Variants in NELL2 observed in about 807,000 individuals in gnomAD.
NELL2 encodes the protein neural EGFL like 2, also known as protein kinase C-binding protein NELL2.
In NELL2, 41 loss-of-function variants were observed where a neutral mutation model predicts 109.6. The ratio of observed to expected loss-of-function variants is 0.37; its 90% CI spans 0.29 to 0.49. The LOEUF is 0.49. Among genes scored for constraint, NELL2 ranks in the 20% least tolerant of loss-of-function variants. NELL2 has a pLI of 0.98. For synonymous variants in NELL2, 355 were observed against 344.7 expected (o/e 1.03, Z -0.33); for missense variants, 900 against 1,008.3 (o/e 0.89, Z 1.45).
At chr12:44,867,454 A>G (rs1204697626) in intron 2 of NELL2, among the ~76,000 whole-genome samples, 2 of 152,226 alleles carry the variant, frequency 1.3e-5, no homozygotes, top group Non-Finnish European at 2.9e-5. Context: ...AACTCTCAAT[A>G]AATGTATAGA....
chr12:44,789,339 C>G (rs1220483841), intron 3 of NELL2, among the ~76,000 whole-genome samples: 1 of 152,176 alleles, frequency 6.6e-6, no homozygotes, highest in Non-Finnish European at 1.5e-5. Context: ...CAGCTCAGAG[C>G]TGGGTAGACT....
At chr12:44,806,891 G>A (rs1592572384) in intron 3 of NELL2, among the ~76,000 whole-genome samples, 1 of 151,608 alleles carries the variant, frequency 6.6e-6, no homozygotes, top group East Asian at 1.9e-4. Flanking sequence ...TTTCAAATGA[G>A]GGAGGGGGAG....
At chr12:44,546,586 C>T (rs1239430722) in intron 15 of NELL2, among the ~76,000 whole-genome samples, 1 of 152,178 alleles carries the variant, frequency 6.6e-6, no homozygotes, top group Non-Finnish European at 1.5e-5. Context: ...TTTGATGGTG[C>T]TTTAAAACCT....
intron 9 of NELL2, among the ~76,000 whole-genome samples, chr12:44,752,678 C>T (rs1424228545): frequency 6.6e-6 from 1 of 152,116 alleles, no homozygotes; most frequent in Non-Finnish European, 1.5e-5. Context: ...ATAATATATT[C>T]CCTAAATATG....
chr12:44,852,518 T>C (rs1048311473), intron 2 of NELL2, among the ~76,000 whole-genome samples: 1 of 152,192 alleles, frequency 6.6e-6, no homozygotes, highest in Non-Finnish European at 1.5e-5. Flanking sequence ...ACAGCTAAGA[T>C]AGTGTTCATT....
chr12:44,611,835 T>C (rs1414740046), intron 13 of NELL2, among the ~76,000 whole-genome samples: 6 of 151,922 alleles, frequency 3.9e-5, no homozygotes, highest in African/African-American at 1.5e-4. Context: ...ATAAATACAG[T>C]GAACATGAGA....
chr12:44,637,608 A>T (rs1350869328), intron 13 of NELL2, among the ~76,000 whole-genome samples: 1 of 147,760 alleles, frequency 6.8e-6, no homozygotes. Flanking sequence ...ACAAGAGAAA[A>T]AATTGTTACA....
In NELL2 at chr12:44,751,674, T is replaced by A. The variant is rs148275885; in HGVS notation, c.994+23073A>T. On this transcript the variant is annotated intron_variant, in intron 9 of 19. Coordinates refer to ENST00000429094, the MANE Select transcript of NELL2 (RefSeq NM_001145108.2). ...ACTTTGGAGTCTATAATTCTGAAAC[T>A]TATATATGTTGTTAAAACATTTGTA... is the stretch of plus-strand genomic sequence containing the variant. Among the ~76,000 whole-genome samples the A allele has an allele frequency of 8.5e-5, 13 of 152,222 alleles. No homozygotes were observed. The East Asian group carries it at 2.5e-3, about 29-fold the overall frequency.
intron 19 of NELL2, among the ~76,000 whole-genome samples, chr12:44,519,555 T>G (rs1469868042): frequency 6.6e-6 from 1 of 152,216 alleles, no homozygotes; most frequent in Non-Finnish European, 1.5e-5. Context: ...TATGCCCATC[T>G]TTGCCATATT....
chr12:44,644,534 A>G (rs1403104832), intron 13 of NELL2, among the ~76,000 whole-genome samples: 1 of 146,770 alleles, frequency 6.8e-6, no homozygotes, highest in Non-Finnish European at 1.5e-5. Context: ...CAATCTTCTG[A>G]AGGACCTAAT....
intron 2 of NELL2, among the ~76,000 whole-genome samples, chr12:44,847,860 C>T (rs1944418097): frequency 6.6e-6 from 1 of 151,638 alleles, no homozygotes; most frequent in Non-Finnish European, 1.5e-5. Flanking sequence ...GGCAAAACCC[C>T]ATCTCTACTA....
intron 12 of NELL2, among the ~76,000 whole-genome samples, chr12:44,675,298 T>C (rs1948268661): frequency 3.9e-5 from 6 of 152,128 alleles, no homozygotes. Context: ...TAAAAGATAA[T>C]TTTCAAGTCA....
At chr12:44,585,470 T>G (rs920198039) in intron 15 of NELL2, among the ~76,000 whole-genome samples, 2 of 151,928 alleles carry the variant, frequency 1.3e-5, no homozygotes, top group Non-Finnish European at 2.9e-5. Flanking sequence ...GGTGTGGTGG[T>G]GGGGGCCTGT....
chr12:44,703,393 C>A (rs909778814), intron 12 of NELL2, among the ~76,000 whole-genome samples: 3 of 152,052 alleles, frequency 2.0e-5, no homozygotes, highest in African/African-American at 7.2e-5. Flanking sequence ...CTGGAAAAAT[C>A]TGACTACGAT....
chr12:44,751,300 G>A (rs185635376), intron 9 of NELL2, among the ~76,000 whole-genome samples: 18 of 152,204 alleles, frequency 1.2e-4, no homozygotes, highest in South Asian at 1.0e-3. Flanking sequence ...TGGTTTTTCC[G>A]TTAAATGATA....
chr12:44,762,651 C>T (rs922961362), intron 9 of NELL2, among the ~76,000 whole-genome samples: 2 of 152,206 alleles, frequency 1.3e-5, no homozygotes, highest in Admixed American at 6.5e-5. Context: ...CACAACATGA[C>T]ACCTCACTAC....
At chr12:44,913,322 G>A in intron 1 of NELL2, among the ~76,000 whole-genome samples, 1 of 152,060 alleles carries the variant, frequency 6.6e-6, no homozygotes, top group East Asian at 1.9e-4. Flanking sequence ...ACAGCTGATT[G>A]AAAAAGTCAG....
chr12:44,850,976 G>A (rs1944517823), intron 2 of NELL2, among the ~76,000 whole-genome samples: 2 of 152,256 alleles, frequency 1.3e-5, no homozygotes, highest in Non-Finnish European at 1.5e-5. Flanking sequence ...GGACTAATTA[G>A]GAAGATGTGG....
At chr12:44,890,107 A>C (rs1485041594) in intron 1 of NELL2, among the ~76,000 whole-genome samples, 1 of 152,222 alleles carries the variant, frequency 6.6e-6, no homozygotes, top group African/African-American at 2.4e-5. Flanking sequence ...TCTGACAGGA[A>C]TAAATGCCCC....
Sources: allele counts gnomAD v4.1 joint callset (sites outside exome capture counted in the v4.1 genomes callset), GRCh38; gene constraint gnomAD v4.1.1; transcripts MANE v1.5; gene names NCBI Gene and HGNC (gene_info 2026-07-23, HGNC 2026-07-21).